Variants in WDR20 observed in about 807,000 individuals in gnomAD.
WDR20 encodes WD repeat-containing protein 20.
A neutral mutation model predicts 38.7 loss-of-function variants in WDR20; 3 were observed. That is an observed-to-expected ratio of 0.08 (90% CI 0.04 to 0.20). The LOEUF is 0.20. Among genes scored for constraint, WDR20 ranks in the 10% least tolerant of loss-of-function variants. WDR20 has a pLI of 1.00. For synonymous variants in WDR20, 298 were observed against 285.6 expected (o/e 1.04, Z -0.44); for missense variants, 559 against 727.7 (o/e 0.77, Z 2.67).
At chr14:102,205,842 G>A (rs1031513811) in intron 2 of WDR20, among the ~76,000 whole-genome samples, 4 of 151,282 alleles carry the variant, frequency 2.6e-5, no homozygotes, top group African/African-American at 9.7e-5. Context: ...TTAAACTGGT[G>A]TGCTCAGTCC....
intron 1 of WDR20, among the ~76,000 whole-genome samples, chr14:102,143,708 C>A (rs1268749687): frequency 2.6e-5 from 4 of 151,920 alleles, no homozygotes; most frequent in Non-Finnish European, 5.9e-5. Context: ...CCACGCCCAG[C>A]TAATTTTTGT....
At chr14:102,148,023 G>T in intron 1 of WDR20, among the ~76,000 whole-genome samples, 1 of 152,324 alleles carries the variant, frequency 6.6e-6, no homozygotes, top group South Asian at 2.1e-4. Flanking sequence ...GGGCTACTAC[G>T]CCTGGCCAAG....
intron 1 of WDR20, among the ~76,000 whole-genome samples, chr14:102,165,767 G>T (rs2059644220): frequency 6.6e-6 from 1 of 151,040 alleles, no homozygotes. Context: ...CTCCCAAGTA[G>T]CTGGGACTAC....
intron 1 of WDR20, among the ~76,000 whole-genome samples, chr14:102,173,928 C>G (rs2061521492): frequency 6.6e-6 from 1 of 151,782 alleles, no homozygotes; most frequent in African/African-American, 2.4e-5. Context: ...CCTGTAGTCT[C>G]AGCTACTCGG....
At chr14:102,198,816 T>G (rs1047461655) in intron 2 of WDR20, among the ~76,000 whole-genome samples, 1 of 152,156 alleles carries the variant, frequency 6.6e-6, no homozygotes, top group African/African-American at 2.4e-5. Flanking sequence ...TGGGTGTCTC[T>G]TGCTGTGTTG....
downstream of WDR20, among the ~76,000 whole-genome samples, chr14:102,223,885 A>AGCT (rs1291731945): frequency 6.6e-6 from 1 of 152,154 alleles, no homozygotes; most frequent in Non-Finnish European, 1.5e-5. Flanking sequence ...CACTGTGGGC[A>AGCT]GCTGCACGTC....
intron 2 of WDR20, chr14:102,198,361 AC>A: frequency 7.4e-6 from 2 of 268,622 alleles, no homozygotes; most frequent in Non-Finnish European, 1.6e-5. Flanking sequence ...CAAGTGATCC[AC>A]CCACCTCAGC....
intron 1 of WDR20, among the ~76,000 whole-genome samples, chr14:102,180,422 C>G (rs1448182412): frequency 6.6e-6 from 1 of 152,160 alleles, no homozygotes; most frequent in Non-Finnish European, 1.5e-5. Context: ...CGTTTTCAAC[C>G]AGAGCTTTCT....
At position 102,220,916 on chromosome 14, in the gene WDR20, G is replaced by A. The variant is rs757694962; in HGVS notation, c.1693-1914G>A. The stretch of plus-strand genomic sequence containing the variant: ...CTCCTGAGTAGCTGGGATGACAGCC[G>A]TGCGCCACCACACCCGGCTAATTTT... On this transcript the variant is annotated intron_variant, in intron 3 of 3. Transcript: ENST00000335263. The surrounding 1 kb of genome is among the most constrained non-coding windows in gnomAD (Gnocchi z 4.2). Among the ~76,000 whole-genome samples the A allele has an allele frequency of 2.6e-5, 4 of 151,898 alleles. No individual in the cohort carries two copies. Among genetic ancestry groups the A allele is most frequent in the South Asian group, 4.1e-4 (2 of 4,824 alleles).
At chr14:102,180,025 C>T (rs767450028) in intron 1 of WDR20, among the ~76,000 whole-genome samples, 26 of 152,102 alleles carry the variant, frequency 1.7e-4, no homozygotes, top group East Asian at 5.8e-4. Flanking sequence ...TGGTGGCAGG[C>T]GCTTGTAATC....
chr14:102,160,787 A>AT (rs1311221842), intron 1 of WDR20, among the ~76,000 whole-genome samples: 1 of 143,986 alleles, frequency 6.9e-6, no homozygotes, highest in Non-Finnish European at 1.5e-5. Flanking sequence ...CTAAATATAT[A>AT]AAAAAAAAAA....
chr14:102,141,416 T>A (rs1289666752), intron 1 of WDR20, among the ~76,000 whole-genome samples: 1 of 152,156 alleles, frequency 6.6e-6, no homozygotes. Flanking sequence ...TTTTTCTTAG[T>A]CTTTATGATA....
intron 1 of WDR20, among the ~76,000 whole-genome samples, chr14:102,162,828 T>C (rs2059034181): frequency 6.6e-6 from 1 of 152,110 alleles, no homozygotes; most frequent in Non-Finnish European, 1.5e-5. Context: ...CCCAGGCTGG[T>C]CTTGAATTAC....
chr14:102,151,941 A>G (rs1427946985), intron 1 of WDR20, among the ~76,000 whole-genome samples: 2 of 151,904 alleles, frequency 1.3e-5, no homozygotes, highest in African/African-American at 4.8e-5. Context: ...TTTTGGACAC[A>G]GGGTCGGTCT....
chr14:102,160,065 C>G (rs936096571), intron 1 of WDR20, among the ~76,000 whole-genome samples: 2 of 152,176 alleles, frequency 1.3e-5, no homozygotes, highest in African/African-American at 4.8e-5. Flanking sequence ...GATCATACCA[C>G]TGCACTCCAC....
At chr14:102,202,748 A>G (rs1281502717) in intron 2 of WDR20, among the ~76,000 whole-genome samples, 1 of 149,170 alleles carries the variant, frequency 6.7e-6, no homozygotes, top group Non-Finnish European at 1.5e-5. Flanking sequence ...GGAGATATTT[A>G]TTTATTTATT....
downstream of WDR20, chr14:102,214,639 C>A: frequency 1.0e-6 from 1 of 984,468 alleles, no homozygotes; most frequent in Non-Finnish European, 1.2e-6. Flanking sequence ...TTATGTTAGG[C>A]GACACTGTAT....
Position 102,222,711 on chromosome 14 carries a change from C to G in WDR20, c.1693-119C>G. ...ATGAAGTGGAGGGTTTGCTCCCACA[C>G]TGGCTTCCACATCAACAGCACCAGT... On this transcript the variant is annotated intron_variant, in intron 3 of 3. Coordinates refer to the WDR20 transcript ENST00000335263. This position sits in a 1 kb window ranked among gnomAD's most constrained non-coding sequence, Gnocchi z 4.4. The G allele has an allele frequency of 9.9e-7, 1 of 1,010,830 alleles. No individual in the cohort carries two copies. Among genetic ancestry groups the G allele is most frequent in the Non-Finnish European group, 1.6e-6 (1 of 642,362 alleles). The allele number at this position is 1,010,830 out of a possible 1,614,324, so 62.6% of individuals were successfully genotyped here. A position where few individuals can be genotyped will look rare whatever the true frequency, so the allele number is the denominator to read the frequency against.
chr14:102,213,737 C>T (rs1457625254), downstream of WDR20: 74 of 985,270 alleles, frequency 7.5e-5, no homozygotes, highest in Non-Finnish European at 8.0e-5. Context: ...GAAATGAGTG[C>T]TGAAGTTGCC....
Sources: gnomAD v4.1 joint callset for allele counts (sites outside exome capture counted in the v4.1 genomes callset) on GRCh38, gnomAD v4.1.1 for gene constraint, Gnocchi (gnomAD v3.1) non-coding constraint, MANE v1.5 for transcripts, NCBI Gene and HGNC (gene_info 2026-07-23, HGNC 2026-07-21) for gene names.